FGF12: variants seen among roughly 807,000 people sequenced by gnomAD.
FGF12 encodes the protein fibroblast growth factor 12, also known as fibroblast growth factor 12B.
A neutral mutation model predicts 23.6 loss-of-function variants in FGF12; 14 were observed. That is an observed-to-expected ratio of 0.59 (90% CI 0.39 to 0.93). The LOEUF (loss-of-function observed/expected upper bound fraction) is 0.93, where lower values mean the gene tolerates loss of function less well. Ranked by LOEUF, FGF12 falls within the 40% of genes least tolerant of loss-of-function variation. The pLI, the probability that FGF12 is intolerant of heterozygous loss-of-function variation, is 0.00. For missense variants in FGF12, 175 were observed against 217.8 expected, an observed-to-expected ratio of 0.80 and a Z score of 1.24; for synonymous variants, 62 against 77.3, an observed-to-expected ratio of 0.80 and a Z score of 1.04.
At chr3:192,316,978 A>G (rs1716258394) in intron 4 of FGF12, among the ~76,000 whole-genome samples, 1 of 152,090 alleles carries the variant, frequency 6.6e-6, no homozygotes, top group Non-Finnish European at 1.5e-5. Flanking sequence ...AAATTTTTAG[A>G]CACACCCTGG....
intron 2 of FGF12, among the ~76,000 whole-genome samples, chr3:192,405,128 C>T (rs2108773814): frequency 6.6e-6 from 1 of 151,170 alleles, no homozygotes; most frequent in African/African-American, 2.5e-5. Context: ...GATTTCTCAT[C>T]TACAAAGACA....
chr3:192,228,400 T>C (rs1285630068), intron 4 of FGF12, among the ~76,000 whole-genome samples: 5 of 152,106 alleles, frequency 3.3e-5, no homozygotes, highest in Admixed American at 1.3e-4. Context: ...ATCATGACAA[T>C]TGCATTACAG....
At chr3:192,400,914 T>C (rs1029702898) in intron 2 of FGF12, among the ~76,000 whole-genome samples, 2 of 152,212 alleles carry the variant, frequency 1.3e-5, no homozygotes, top group African/African-American at 4.8e-5. Flanking sequence ...CAACATCATC[T>C]ATAGCCTAGA....
chr3:192,403,547 G>GTT (rs11424277), intron 2 of FGF12, among the ~76,000 whole-genome samples: 7,383 of 146,156 alleles, frequency 0.051, 378 homozygotes, highest in African/African-American at 0.13. Flanking sequence ...GGGTCTTACT[G>GTT]TTTTTTTTTT....
At chr3:192,383,459 C>G (rs564085285) in intron 2 of FGF12, among the ~76,000 whole-genome samples, 2 of 151,132 alleles carry the variant, frequency 1.3e-5, no homozygotes, top group Non-Finnish European at 1.5e-5. Context: ...GTCTTTGAAC[C>G]CAGATAAACC....
intron 4 of FGF12, among the ~76,000 whole-genome samples, chr3:192,318,473 TAATC>T (rs896698564): frequency 2.0e-4 from 30 of 152,098 alleles, no homozygotes; most frequent in African/African-American, 4.8e-5. Flanking sequence ...ACAGCAGAAT[TAATC>T]AAGCAGAATA....
At chr3:192,660,005 A>G (rs910144295) in intron 2 of FGF12, among the ~76,000 whole-genome samples, 4 of 151,946 alleles carry the variant, frequency 2.6e-5, no homozygotes, top group Admixed American at 6.6e-5. Flanking sequence ...TATATCCATT[A>G]CTGGGTATAT....
At chr3:192,304,972 A>C (rs932592012) in intron 4 of FGF12, among the ~76,000 whole-genome samples, 2 of 152,192 alleles carry the variant, frequency 1.3e-5, no homozygotes, top group Non-Finnish European at 2.9e-5. Flanking sequence ...AATAGCTATT[A>C]AAGAAATACT....
intron 2 of FGF12, among the ~76,000 whole-genome samples, chr3:192,394,793 C>T (rs1180921685): frequency 6.6e-6 from 1 of 152,138 alleles, no homozygotes; most frequent in African/African-American, 2.4e-5. Flanking sequence ...CTGTAGCATA[C>T]ACAGAAGACT....
At chr3:192,311,977 C>CTA (rs916798873) in intron 4 of FGF12, among the ~76,000 whole-genome samples, 1 of 148,450 alleles carries the variant, frequency 6.7e-6, no homozygotes, top group African/African-American at 2.5e-5. Flanking sequence ...ATCTATCTAT[C>CTA]TGTTTTCAGA....
chr3:192,661,294 G>A (rs1393226377), intron 2 of FGF12, among the ~76,000 whole-genome samples: 1 of 152,212 alleles, frequency 6.6e-6, no homozygotes, highest in Non-Finnish European at 1.5e-5. Context: ...GGCCAAGGCG[G>A]GCGGATCACT....
At position 192,423,054 on chromosome 3, in the gene FGF12, C is replaced by T. The variant is rs147962815; in HGVS notation, c.14-62516G>A. On this transcript the variant is annotated intron_variant, in intron 2 of 5. Coordinates refer to ENST00000445105, the MANE Select transcript of FGF12 (RefSeq NM_004113.6). ...TAAGTAAGCCTTGATATGACAGCTC[C>T]GTGAGTTTATAATCCTAACTGAGCC... Among the ~76,000 whole-genome samples the T allele has an allele frequency of 2.7e-3, 418 of 152,218 alleles. 1 individual carries two copies. The highest frequency in any genetic ancestry group is 6.8e-3 in the Middle Eastern group (2 of 294).
intron 2 of FGF12, among the ~76,000 whole-genome samples, chr3:192,610,137 G>A (rs753861107): frequency 5.9e-5 from 9 of 151,980 alleles, no homozygotes; most frequent in Non-Finnish European, 1.0e-4. Flanking sequence ...GAGTTACTAA[G>A]GATCACAGAA....
chr3:192,366,990 A>G (rs1267729259), intron 2 of FGF12, among the ~76,000 whole-genome samples: 2 of 151,842 alleles, frequency 1.3e-5, no homozygotes, highest in Non-Finnish European at 2.9e-5. Context: ...GGAAAGAGTG[A>G]GTTTTCTATC....
At chr3:192,464,730 G>A (rs1722961666) in intron 2 of FGF12, among the ~76,000 whole-genome samples, 1 of 152,132 alleles carries the variant, frequency 6.6e-6, no homozygotes, top group Admixed American at 6.6e-5. Context: ...TTTGGGAGAA[G>A]GGGCTCTGCT....
intron 4 of FGF12, among the ~76,000 whole-genome samples, chr3:192,240,553 A>G (rs941908928): frequency 6.6e-6 from 1 of 152,224 alleles, no homozygotes; most frequent in Non-Finnish European, 1.5e-5. Context: ...CATCAGAAGT[A>G]GTTGTTGACT....
intron 2 of FGF12, among the ~76,000 whole-genome samples, chr3:192,605,239 T>C (rs1035259463): frequency 1.3e-5 from 2 of 152,018 alleles, no homozygotes; most frequent in African/African-American, 2.4e-5. Flanking sequence ...TAGCTTGGCA[T>C]AGTGGCACAC....
intron 2 of FGF12, among the ~76,000 whole-genome samples, chr3:192,486,303 T>C (rs1296664482): frequency 1.3e-5 from 2 of 151,800 alleles, no homozygotes; most frequent in African/African-American, 4.9e-5. Flanking sequence ...TGAAAGCAAA[T>C]AGTTTTTTTT....
chr3:192,224,107 G>A (rs76682348), intron 4 of FGF12, among the ~76,000 whole-genome samples: 89 of 152,252 alleles, frequency 5.8e-4, no homozygotes, highest in African/African-American at 2.1e-3. Flanking sequence ...AGTTGTTGCA[G>A]TGTTTTCTGA....
Sources: gnomAD v4.1 joint callset for allele counts (sites outside exome capture counted in the v4.1 genomes callset) on GRCh38, gnomAD v4.1.1 for gene constraint, MANE v1.5 for transcripts, NCBI Gene and HGNC (gene_info 2026-07-23, HGNC 2026-07-21) for gene names.